NEIL3: variants seen among roughly 807,000 people sequenced by gnomAD.
NEIL3 encodes nei like DNA glycosylase 3, also known as endonuclease 8-like 3.
NEIL3 carries 48 observed loss-of-function variants against 57.5 expected under a neutral mutation model. The observed-to-expected ratio is 0.83, with a 90% CI of 0.66 to 1.06. NEIL3 has a LOEUF of 1.06. NEIL3 is among the 50% of genes least tolerant of loss of function. The pLI is 0.00. For synonymous variants in NEIL3, 261 were observed against 253.2 expected (o/e 1.03, Z -0.29); for missense variants, 717 against 739.1 (o/e 0.97, Z 0.35).
At chr4:177,345,464 C>CTTTTT (rs11368079) in intron 6 of NEIL3, among the ~76,000 whole-genome samples, 2 of 139,274 alleles carry the variant, frequency 1.4e-5, no homozygotes, top group African/African-American at 5.4e-5. Flanking sequence ...CAAACCAACT[C>CTTTTT]TTTTTTTTTT....
rs7689099 is a variant in NEIL3, at chr4:177,335,759, C to T, written c.350C>T (p.Pro117Leu). ...LEYKYKNGAS[P>L]VLEVQLTKDL... ...TATAAATATAAAAATGGAGCTTCTC[C>T]TGTTTTGGAAGTGCAGCTCACCAAA... Residue 117 changes from proline (P) to leucine (L), a missense_variant, in exon 3 of 10, where the codon CCT becomes CTT. By Grantham distance (98) the Pro-to-Leu change is moderately conservative (BLOSUM62 -3). Coordinates refer to ENST00000264596, the MANE Select transcript of NEIL3 (RefSeq NM_018248.3). 11 of 1,593,590 alleles carry T rather than the reference C, an allele frequency of 6.9e-6. No homozygotes were observed. The highest frequency in any genetic ancestry group is 8.5e-6 in the Non-Finnish European group (10 of 1,172,096).
rs1364512561 is a variant in NEIL3, at chr4:177,353,313, G to A, written c.1045G>A (p.Val349Met). The change falls in exon 8 of 10, where the codon GTG becomes ATG. Residue 349 changes from valine to methionine, a missense_variant. Val to Met is a conservative substitution (Grantham distance 21). Transcript: ENST00000264596. ...TTACTTCTCTCTCCTTCCAGATTCAGTGCTCAAGAGTGAAGAAAATTCTAC... is the reference window on the plus strand; with the variant it reads ...TTACTTCTCTCTCCTTCCAGATTCAATGCTCAAGAGTGAAGAAAATTCTAC... ...ACLTSRPIDS[V>M]LKSEENSTVF... 2 of 1,608,060 alleles carry A rather than the reference G, an allele frequency of 1.2e-6. No homozygotes were observed. Among genetic ancestry groups the A allele is most frequent in the African/African-American group, 1.3e-5 (1 of 74,506 alleles).
rs55741585 is a variant in NEIL3, at chr4:177,345,679, C to CT, written c.869+4062dup. ...TACAGGCATGAGCCACCACGCCTGGCTTTTTTTTTTTTTTTTTTTTTTTTT... is the reference window on the plus strand; with the variant it reads ...TACAGGCATGAGCCACCACGCCTGGCTTTTTTTTTTTTTTTTTTTTTTTTTT... On this transcript the variant is annotated intron_variant, in intron 6 of 9. Coordinates refer to ENST00000264596, the MANE Select transcript of NEIL3 (RefSeq NM_018248.3). Among the ~76,000 whole-genome samples the CT allele has an allele frequency of 5.2e-3, 407 of 78,068 alleles. 13 individuals are homozygous for CT. The highest frequency in any genetic ancestry group is 0.032 in the Admixed American group (209 of 6,514). The allele number at this position is 78,068 out of a possible 152,430, so 51.2% of individuals were successfully genotyped here.
intron 4 of NEIL3, among the ~76,000 whole-genome samples, chr4:177,339,240 T>TA (rs544049300): frequency 3.0e-4 from 46 of 152,376 alleles, no homozygotes; most frequent in African/African-American, 1.1e-3. Context: ...CTGTATGTTT[T>TA]ATGTGTTACA....
intron 2 of NEIL3, among the ~76,000 whole-genome samples, chr4:177,332,566 A>G (rs774919487): frequency 1.3e-5 from 2 of 152,146 alleles, no homozygotes; most frequent in African/African-American, 4.8e-5. Context: ...AGAAGTGTTC[A>G]AGAAGCAGAC....
At chr4:177,369,687 G>A in the NEIL3 span, among the ~76,000 whole-genome samples, 4 of 151,908 alleles carry the variant, frequency 2.6e-5, no homozygotes, top group Non-Finnish European at 2.9e-5. Context: ...TCAGACTGCC[G>A]GTCCCAAGAT....
downstream of NEIL3, among the ~76,000 whole-genome samples, chr4:177,367,755 G>A (rs1419427480): frequency 1.3e-5 from 2 of 152,156 alleles, no homozygotes; most frequent in Non-Finnish European, 2.9e-5. Context: ...TTAATGATGG[G>A]AGAAAAAACT....
chr4:177,361,916 G>A (rs1210207212), intron 9 of NEIL3, among the ~76,000 whole-genome samples: 4 of 152,164 alleles, frequency 2.6e-5, no homozygotes, highest in South Asian at 4.2e-4. Context: ...ATGAGCCACC[G>A]CACCTCACCT....
intron 1 of NEIL3, among the ~76,000 whole-genome samples, chr4:177,314,905 G>A (rs1734544122): frequency 6.8e-6 from 1 of 146,866 alleles, no homozygotes. Context: ...GTGAAACCCC[G>A]TATCTACTAA....
At chr4:177,355,210 A>G (rs955163260) in intron 8 of NEIL3, among the ~76,000 whole-genome samples, 4 of 152,158 alleles carry the variant, frequency 2.6e-5, no homozygotes, top group South Asian at 2.1e-4. Flanking sequence ...TTTATAACAT[A>G]TAAATGGAGG....
intron 8 of NEIL3, 37 bp downstream of exon 8, chr4:177,353,765 CTTTTTTTTTT>C: frequency 1.6e-6 from 2 of 1,214,660 alleles, no homozygotes; most frequent in Non-Finnish European, 2.3e-6. Context: ...AAGATAATTG[CTTTTTTTTTT>C]TTTTTTTTAA....
intron 6 of NEIL3, among the ~76,000 whole-genome samples, chr4:177,344,093 C>G (rs541262213): frequency 6.6e-6 from 1 of 152,180 alleles, no homozygotes; most frequent in South Asian, 2.1e-4. Context: ...CCACAGTTCC[C>G]CAAAAGAGAC....
intron 1 of NEIL3, among the ~76,000 whole-genome samples, chr4:177,315,012 T>C: frequency 7.2e-6 from 1 of 139,472 alleles, no homozygotes; most frequent in Admixed American, 8.2e-5. Flanking sequence ...GAGCTTGCAG[T>C]GAGCCGAGAT....
At chr4:177,332,928 G>T (rs995130870) in intron 2 of NEIL3, among the ~76,000 whole-genome samples, 13 of 152,108 alleles carry the variant, frequency 8.5e-5, no homozygotes, top group Non-Finnish European at 1.3e-4. Context: ...TTAAGAAAAT[G>T]TATGATTTTG....
At chr4:177,314,127 GA>G (rs1290170707) in intron 1 of NEIL3, among the ~76,000 whole-genome samples, 1 of 152,130 alleles carries the variant, frequency 6.6e-6, no homozygotes, top group African/African-American at 2.4e-5. Context: ...ATAATTTAGA[GA>G]ACATGCATTA....
chr4:177,351,810 G>C (rs1560920331), intron 7 of NEIL3, among the ~76,000 whole-genome samples: 1 of 152,150 alleles, frequency 6.6e-6, no homozygotes, highest in Non-Finnish European at 1.5e-5. Context: ...GATCACATCT[G>C]TTCTCTACTG....
chr4:177,319,338 A>G (rs1000967519), intron 1 of NEIL3, among the ~76,000 whole-genome samples: 1 of 152,218 alleles, frequency 6.6e-6, no homozygotes, highest in Non-Finnish European at 1.5e-5. Context: ...GGAAGAAGGG[A>G]AGAGAGCCAG....
rs564779351 is a variant in NEIL3 at position 177,346,032 on chromosome 4, A to G, written c.869+4390A>G. On this transcript the variant is annotated intron_variant, in intron 6 of 9. Coordinates refer to ENST00000264596, the MANE Select transcript of NEIL3 (RefSeq NM_018248.3). Reference sequence around the variant, plus strand: ...GATCTCCTCCCACTGGAATATAGTTATCTACAAATATTCAATAAATATAGG... The same window carrying G: ...GATCTCCTCCCACTGGAATATAGTTGTCTACAAATATTCAATAAATATAGG... Among the ~76,000 whole-genome samples the G allele has an allele frequency of 3.5e-4, 54 of 152,240 alleles. 1 individual carries two copies. The highest frequency in any genetic ancestry group is 1.3e-3 in the African/African-American group (53 of 41,538).
At chr4:177,339,671 C>T (rs1278709918) in intron 4 of NEIL3, 112 bp from the exon 5 acceptor site, 8 of 712,942 alleles carry the variant, frequency 1.1e-5, no homozygotes, top group Non-Finnish European at 1.9e-5. Flanking sequence ...CAAAGGTCAG[C>T]TGTATTCAAA....
Sources: gnomAD v4.1 joint callset for allele counts (sites outside exome capture counted in the v4.1 genomes callset) on GRCh38, gnomAD v4.1.1 for gene constraint, MANE v1.5 for transcripts, NCBI Gene and HGNC (gene_info 2026-07-23, HGNC 2026-07-21) for gene names.